The following DSCAM variants were observed in gnomAD, a reference collection of about 807,000 sequenced individuals.
DSCAM encodes DS cell adhesion molecule.
DSCAM carries 47 observed loss-of-function variants against 217.7 expected under a neutral mutation model. The ratio of observed to expected loss-of-function variants is 0.22; its 90% CI spans 0.17 to 0.28. The LOEUF is 0.28. Ranked by LOEUF, DSCAM falls within the 10% of genes least tolerant of loss-of-function variation. The pLI is 1.00. For missense variants in DSCAM, 2,080 were observed against 2,618.3 expected, an observed-to-expected ratio of 0.79 and a Z score of 4.49; for synonymous variants, 1,056 against 1,015.3, an observed-to-expected ratio of 1.04 and a Z score of -0.76.
In DSCAM at chr21:40,040,958, C is replaced by G. The variant is rs8131021; in HGVS notation, c.5686+1413G>C. Among the ~76,000 whole-genome samples the G allele has an allele frequency of 1.8e-3, 274 of 152,138 alleles. 2 individuals carry two copies. The highest frequency in any genetic ancestry group is 2.8e-3 in the Non-Finnish European group (193 of 68,006). On this transcript the variant is annotated intron_variant, in intron 32 of 32. Coordinates refer to ENST00000400454, the MANE Select transcript of DSCAM (RefSeq NM_001389.5). The stretch of plus-strand genomic sequence containing the variant: ...AAAAAAATAGTTGAAATAAAAACAC[C>G]CACAAATAACAGCTTGTCTTTTCCC...
chr21:40,274,234 C>T (rs1048437186), intron 11 of DSCAM, among the ~76,000 whole-genome samples: 3 of 152,268 alleles, frequency 2.0e-5, no homozygotes, highest in Admixed American at 6.5e-5. Flanking sequence ...ATGGGGGCAT[C>T]GTCCATTCTT....
chr21:40,813,940 C>T (rs1256966424), intron 1 of DSCAM, among the ~76,000 whole-genome samples: 1 of 152,104 alleles, frequency 6.6e-6, no homozygotes, highest in Non-Finnish European at 1.5e-5. Context: ...CCCCTGAGCA[C>T]AGCCAGTTTT....
At chr21:40,224,113 ATTT>A (rs986120411) in intron 11 of DSCAM, among the ~76,000 whole-genome samples, 1 of 152,198 alleles carries the variant, frequency 6.6e-6, no homozygotes, top group African/African-American at 2.4e-5. Flanking sequence ...AAAAATGGGG[ATTT>A]TTTAACTGAA....
intron 3 of DSCAM, among the ~76,000 whole-genome samples, chr21:40,634,270 T>G (rs2089727146): frequency 6.6e-6 from 1 of 152,192 alleles, no homozygotes. Context: ...GTGGCTTTTG[T>G]TCCTCTTGTT....
At chr21:40,836,443 C>T (rs1353747468) in intron 1 of DSCAM, among the ~76,000 whole-genome samples, 3 of 152,344 alleles carry the variant, frequency 2.0e-5, no homozygotes, top group Admixed American at 6.5e-5. Context: ...GCAGGATCTA[C>T]ATACCCCTCT....
chr21:40,286,658 C>T (rs2073827566), intron 10 of DSCAM, among the ~76,000 whole-genome samples: 1 of 140,650 alleles, frequency 7.1e-6, no homozygotes, highest in Admixed American at 6.9e-5. Flanking sequence ...GTACAACCTG[C>T]AGTGTGTTCA....
At chr21:40,780,415 GTGTGTGTGTA>G (rs2091530018) in intron 1 of DSCAM, among the ~76,000 whole-genome samples, 2 of 44,188 alleles carry the variant, frequency 4.5e-5, no homozygotes, top group South Asian at 1.6e-3. Context: ...GTGTGTGTGT[GTGTGTGTGTA>G]TATATATATA....
chr21:40,598,219 C>G (rs1334145038), intron 3 of DSCAM, among the ~76,000 whole-genome samples: 1 of 152,104 alleles, frequency 6.6e-6, no homozygotes, highest in Non-Finnish European at 1.5e-5. Context: ...CTTTTTCAGA[C>G]TTGCTTTCCT....
intron 3 of DSCAM, among the ~76,000 whole-genome samples, chr21:40,410,177 A>G (rs2075310539): frequency 6.6e-6 from 1 of 152,138 alleles, no homozygotes. Flanking sequence ...AACCCAAGTA[A>G]GACTTTAGAA....
At chr21:40,174,495 T>C (rs1171374329) in intron 15 of DSCAM, among the ~76,000 whole-genome samples, 2 of 150,754 alleles carry the variant, frequency 1.3e-5, no homozygotes, top group East Asian at 1.9e-4. Flanking sequence ...AAGACTCAGA[T>C]AGTACAAATT....
intron 3 of DSCAM, among the ~76,000 whole-genome samples, chr21:40,518,556 A>ATG (rs2076332460): frequency 1.2e-5 from 1 of 81,012 alleles, no homozygotes; most frequent in African/African-American, 6.4e-5. Context: ...ACACACATAT[A>ATG]CACACACACA....
chr21:40,361,316 T>C (rs866485031), intron 4 of DSCAM, among the ~76,000 whole-genome samples: 3 of 152,090 alleles, frequency 2.0e-5, no homozygotes, highest in Non-Finnish European at 2.9e-5. Flanking sequence ...TGGTAAAGTA[T>C]ATGCAACAAA....
At chr21:40,337,729 G>C (rs1434364694) in intron 8 of DSCAM, among the ~76,000 whole-genome samples, 4 of 152,174 alleles carry the variant, frequency 2.6e-5, no homozygotes, top group African/African-American at 9.7e-5. Context: ...CCCTTCCAGT[G>C]AAGTTCTAAG....
intron 14 of DSCAM, among the ~76,000 whole-genome samples, chr21:40,182,617 C>CCGTGGACAGGAG (rs1568986386): frequency 1.1e-4 from 9 of 82,480 alleles, no homozygotes; most frequent in African/African-American, 5.7e-4. Context: ...GTGGACAGAA[C>CCGTGGACAGGAG]GGGCCACCAG....
chr21:40,610,988 C>T (rs1390366951), intron 3 of DSCAM, among the ~76,000 whole-genome samples: 1 of 151,386 alleles, frequency 6.6e-6, no homozygotes, highest in African/African-American at 2.4e-5. Flanking sequence ...ATGTGAACTG[C>T]ATATGTGGTT....
intron 16 of DSCAM, among the ~76,000 whole-genome samples, chr21:40,156,409 TAAGTATCTGTTCAGAAGAACCAGAG>T (rs1023688069): frequency 1.3e-5 from 2 of 151,996 alleles, no homozygotes; most frequent in African/African-American, 4.8e-5. Context: ...TCATTTTTGC[TAAGTATCTGTTCAGAAGAACCAGAG>T]AAGATCCAGG....
intron 1 of DSCAM, among the ~76,000 whole-genome samples, chr21:40,744,532 G>A (rs2091155757): frequency 6.6e-6 from 1 of 152,076 alleles, no homozygotes; most frequent in Non-Finnish European, 1.5e-5. Context: ...AACAATAGTA[G>A]AGTAGCAATT....
At chr21:40,450,109 A>G (rs1366861978) in intron 3 of DSCAM, among the ~76,000 whole-genome samples, 2 of 152,210 alleles carry the variant, frequency 1.3e-5, no homozygotes, top group African/African-American at 2.4e-5. Context: ...TTAGAAAGCT[A>G]TACAGGAAAT....
At chr21:40,349,280 T>C (rs2074603334) in intron 5 of DSCAM, among the ~76,000 whole-genome samples, 1 of 151,782 alleles carries the variant, frequency 6.6e-6, no homozygotes, top group African/African-American at 2.4e-5. Flanking sequence ...GTATGACATA[T>C]GTGGTTTACC....
Sources: allele counts gnomAD v4.1 joint callset (sites outside exome capture counted in the v4.1 genomes callset), GRCh38; gene constraint gnomAD v4.1.1; transcripts MANE v1.5; gene names NCBI Gene and HGNC (gene_info 2026-07-23, HGNC 2026-07-21).